Variants in IRGM observed in about 807,000 individuals in gnomAD.
The protein encoded by IRGM is immunity related GTPase M, also known as immunity-related GTPase family M protein.
For synonymous variants in IRGM, 98 were observed against 80.6 expected, an observed-to-expected ratio of 1.22 and a Z score of -1.16; for missense variants, 288 against 219.9, an observed-to-expected ratio of 1.31 and a Z score of -1.96.
intron 1 of IRGM, among the ~76,000 whole-genome samples, chr5:150,855,924 G>T (rs1162973195): frequency 6.6e-6 from 1 of 152,030 alleles, no homozygotes; most frequent in Non-Finnish European, 1.5e-5. Context: ...TTCTCTTAAA[G>T]AACAGTTTCT....
chr5:150,861,108 C>T (rs906240819), intron 1 of IRGM, among the ~76,000 whole-genome samples: 1 of 152,118 alleles, frequency 6.6e-6, no homozygotes, highest in African/African-American at 2.4e-5. Context: ...GAGCTATAAC[C>T]TCAGTCACCT....
In IRGM at chr5:150,874,428, G is replaced by A. The variant is rs187258823; in HGVS notation, c.159-3552G>A. On this transcript the variant is annotated intron_variant and NMD_transcript_variant, in intron 1 of 3. Transcript: ENST00000520549. ...CCTTCTACCTCAGTAAAAGTTCTAG[G>A]AGTTCAGTGGTTGGGGCCTGTCGAG... is the stretch of plus-strand genomic sequence containing the variant. 4.3e-4 allele frequency among the ~76,000 whole-genome samples: 65 copies of A among 152,298 alleles called. No homozygotes were observed. The East Asian group carries it at 0.01, about 24-fold the overall frequency.
intron 3 of IRGM, among the ~76,000 whole-genome samples, chr5:150,884,866 A>T (rs191426713): frequency 2.4e-3 from 372 of 152,044 alleles, no homozygotes; most frequent in African/African-American, 8.6e-3. Context: ...CCTGTAGGTT[A>T]TCTATTTACT....
intron 3 of IRGM, among the ~76,000 whole-genome samples, chr5:150,893,924 G>GT (rs1222445157): frequency 6.6e-6 from 1 of 152,076 alleles, no homozygotes; most frequent in African/African-American, 2.4e-5. Context: ...CACCTGGGAT[G>GT]TGGGGGGAGT....
At chr5:150,879,751 A>G (rs1015873595) in intron 3 of IRGM, 4 of 152,238 alleles carry the variant, frequency 2.6e-5, no homozygotes, top group Non-Finnish European at 4.4e-5. Context: ...GTCACAGCTC[A>G]TTGTGATGGG....
At chr5:150,882,565 G>A (rs1330390600) in intron 3 of IRGM, among the ~76,000 whole-genome samples, 1 of 152,074 alleles carries the variant, frequency 6.6e-6, no homozygotes, top group Non-Finnish European at 1.5e-5. Flanking sequence ...AAGAGAGCAG[G>A]AGTGCCTATA....
In IRGM at chr5:150,854,421, T is replaced by C. The variant is rs1486981837; in HGVS notation, c.158+5767T>C. Among the ~76,000 whole-genome samples the C allele has an allele frequency of 3.3e-5, 5 of 152,264 alleles. No homozygotes were observed. In the East Asian group the frequency reaches 9.6e-4, roughly 29 times the overall value. Reference sequence around the variant, plus strand: ...CCGGAGATCTTTATATTTTCCTATGTGTTCAAGTTACTGTCTATTGTCATT... The same window carrying C: ...CCGGAGATCTTTATATTTTCCTATGCGTTCAAGTTACTGTCTATTGTCATT... On this transcript the variant is annotated intron_variant and NMD_transcript_variant, in intron 1 of 3. Transcript: ENST00000520549.
intron 1 of IRGM, among the ~76,000 whole-genome samples, chr5:150,867,032 T>G (rs780524700): frequency 4.6e-5 from 7 of 152,188 alleles, no homozygotes; most frequent in Non-Finnish European, 8.8e-5. Context: ...TTTTTAAATT[T>G]CAGTAGGTTT....
intron 3 of IRGM, among the ~76,000 whole-genome samples, chr5:150,890,810 A>G (rs932306778): frequency 1.6e-4 from 24 of 152,154 alleles, no homozygotes; most frequent in African/African-American, 5.8e-4. Context: ...ATTTCTAATG[A>G]ATTAAATTAG....
Position 150,846,568 on chromosome 5 carries a change from T to A in IRGM, c.-1068T>A, listed in dbSNP as rs1380963259. On this transcript the variant is annotated 5_prime_UTR_variant, in exon 1 of 2. Coordinates refer to ENST00000522154, the MANE Select transcript of IRGM (RefSeq NM_001145805.2). ...CCATGCTGTGGAAGCTTTGTTTTTTTGCACTTTGCAGTAAATCTTGCTGCT... is the reference window on the plus strand; with the variant it reads ...CCATGCTGTGGAAGCTTTGTTTTTTAGCACTTTGCAGTAAATCTTGCTGCT... The A allele has an allele frequency of 1.3e-5, 2 of 151,296 alleles. No individual in the cohort carries two copies. Among genetic ancestry groups the A allele is most frequent in the Non-Finnish European group, 2.9e-5 (2 of 68,110 alleles). The allele number at this position is 151,296 out of a possible 1,614,324, so 9.4% of individuals were successfully genotyped here.
intron 1 of IRGM, among the ~76,000 whole-genome samples, chr5:150,854,145 A>G (rs1754015042): frequency 6.6e-6 from 1 of 152,066 alleles, no homozygotes; most frequent in Non-Finnish European, 1.5e-5. Flanking sequence ...AGTTATAACA[A>G]TCTATTTTGA....
chr5:150,889,958 G>A (rs924663833), intron 3 of IRGM, among the ~76,000 whole-genome samples: 9 of 151,898 alleles, frequency 5.9e-5, no homozygotes, highest in African/African-American at 1.9e-4. Flanking sequence ...AGTTATGAGG[G>A]ATATTGGTCT....
At chr5:150,863,598 A>G (rs1277800168) in intron 1 of IRGM, among the ~76,000 whole-genome samples, 1 of 152,212 alleles carries the variant, frequency 6.6e-6, no homozygotes, top group African/African-American at 2.4e-5. Flanking sequence ...ATGAACAATT[A>G]TAATTCTTCA....
chr5:150,887,261 A>G (rs547214803), intron 3 of IRGM, among the ~76,000 whole-genome samples: 4 of 152,180 alleles, frequency 2.6e-5, no homozygotes, highest in Admixed American at 2.0e-4. Flanking sequence ...GATCTGACAG[A>G]GCTGAATAAC....
At chr5:150,891,378 T>C (rs1288443220) in intron 3 of IRGM, among the ~76,000 whole-genome samples, 1 of 152,138 alleles carries the variant, frequency 6.6e-6, no homozygotes, top group South Asian at 2.1e-4. Context: ...TTATCTAATA[T>C]GACAATCTCT....
chr5:150,887,415 A>G (rs911469092), intron 3 of IRGM, among the ~76,000 whole-genome samples: 24 of 152,074 alleles, frequency 1.6e-4, no homozygotes, highest in Admixed American at 1.6e-3. Context: ...AAAGGAATGA[A>G]CAAAACCTCC....
intron 1 of IRGM, among the ~76,000 whole-genome samples, chr5:150,866,943 A>G (rs955605473): frequency 3.5e-5 from 5 of 142,086 alleles, no homozygotes; most frequent in Non-Finnish European, 7.4e-5. Flanking sequence ...GACATAACAC[A>G]TAGTGAAGTG....
chr5:150,860,841 C>T (rs1209248577), intron 1 of IRGM, among the ~76,000 whole-genome samples: 1 of 152,204 alleles, frequency 6.6e-6, no homozygotes, highest in East Asian at 1.9e-4. Flanking sequence ...CTTAGTTCTC[C>T]CTCTCTGTAT....
At position 150,865,510 on chromosome 5, in the gene IRGM, A is replaced by G. The variant is rs1023769850; in HGVS notation, c.159-12470A>G. Among the ~76,000 whole-genome samples the G allele has an allele frequency of 7.2e-5, 11 of 152,318 alleles. 1 individual carries two copies. Among genetic ancestry groups the G allele is most frequent in the Middle Eastern group, 6.8e-3 (2 of 294 alleles). ...TAGGTTACAGAAATCTTGAAACAGA[A>G]AGGATGAAAATACATATACATTATT... On this transcript the variant is annotated intron_variant and NMD_transcript_variant, in intron 1 of 3. Coordinates refer to the IRGM transcript ENST00000520549.
Sources: gnomAD v4.1 joint callset for allele counts (sites outside exome capture counted in the v4.1 genomes callset) on GRCh38, gnomAD v4.1.1 for gene constraint, MANE v1.5 for transcripts, NCBI Gene and HGNC (gene_info 2026-07-23, HGNC 2026-07-21) for gene names.